The following CUX2 variants were observed in gnomAD, a reference collection of about 807,000 sequenced individuals.
CUX2 encodes the protein cut like homeobox 2.
CUX2 carries 40 observed loss-of-function variants against 144.8 expected under a neutral mutation model. The observed-to-expected ratio is 0.28, with a 90% CI of 0.21 to 0.36. The LOEUF is 0.36. CUX2 is among the 10% of genes least tolerant of loss of function. The pLI, the probability that CUX2 is intolerant of heterozygous loss-of-function variation, is 1.00. For synonymous variants in CUX2, 827 were observed against 875.6 expected (o/e 0.94, Z 0.98); for missense variants, 1,615 against 1,994.0 (o/e 0.81, Z 3.62).
At chr12:111,100,200 TG>T in intron 1 of CUX2, 1 of 377,510 alleles carries the variant, frequency 2.6e-6, no homozygotes. Context: ...TGTGTGTGTG[TG>T]TATGTGTGTG....
rs1373109753 is a variant in CUX2 at position 111,037,398 on chromosome 12, CA to C, written c.63+3163del. 6.6e-6 allele frequency among the ~76,000 whole-genome samples: 1 copy of C among 152,160 alleles called. No homozygotes were observed. The highest frequency in any genetic ancestry group is 1.5e-5 in the Non-Finnish European group (1 of 68,026). On this transcript the variant is annotated intron_variant, in intron 1 of 21. Transcript: ENST00000261726. The surrounding 1 kb of genome is among the most constrained non-coding windows in gnomAD (Gnocchi z 5.4). ...CAGCCCTCCGGAAACGTATATTTTT[CA>C]AAAATGGAAGCGTTCCAGTTATTAT...
At chr12:111,347,492 C>T in intron 21 of CUX2, 32 bp from the exon 22 acceptor site, 1 of 1,547,958 alleles carries the variant, frequency 6.5e-7, no homozygotes, top group Non-Finnish European at 8.7e-7. Context: ...GTCCCCTGTC[C>T]AGCCCCAGGC....
intron 1 of CUX2, among the ~76,000 whole-genome samples, chr12:111,097,284 A>G (rs532612548): frequency 4.4e-4 from 67 of 152,272 alleles, no homozygotes; most frequent in Non-Finnish European, 8.1e-4. Context: ...GGGCTCAGGT[A>G]CTCAGATGCC....
At chr12:111,306,052 C>T (rs1324471493) in intron 10 of CUX2, among the ~76,000 whole-genome samples, 1 of 152,004 alleles carries the variant, frequency 6.6e-6, no homozygotes, top group Non-Finnish European at 1.5e-5. Context: ...GAGAGAGAGG[C>T]TGTGTGGAGA....
chr12:111,155,026 A>T (rs1294196894), intron 1 of CUX2, among the ~76,000 whole-genome samples: 2 of 152,184 alleles, frequency 1.3e-5, no homozygotes, highest in Non-Finnish European at 2.9e-5. Flanking sequence ...CATCTGTATG[A>T]TGGGAATAAG....
At chr12:111,036,273 A>G (rs1869438730) in intron 1 of CUX2, among the ~76,000 whole-genome samples, 1 of 152,138 alleles carries the variant, frequency 6.6e-6, no homozygotes, top group South Asian at 2.1e-4. Flanking sequence ...CACAATTTTC[A>G]TTAGATAACT....
At chr12:111,347,216 G>A (rs1481193889) in intron 21 of CUX2, among the ~76,000 whole-genome samples, 1 of 152,128 alleles carries the variant, frequency 6.6e-6, no homozygotes, top group Non-Finnish European at 1.5e-5. Flanking sequence ...GGCCAGCACA[G>A]GTCTAGATCA....
At chr12:111,108,661 C>A (rs1873754807) in intron 1 of CUX2, among the ~76,000 whole-genome samples, 1 of 151,896 alleles carries the variant, frequency 6.6e-6, no homozygotes, top group Non-Finnish European at 1.5e-5. Context: ...TCTCTTCCCC[C>A]ACCCCATCTC....
Position 111,034,668 on chromosome 12 carries a change from A to C in CUX2, c.63+428A>C, listed in dbSNP as rs934906129. Among the ~76,000 whole-genome samples, 1 of 150,366 alleles carries C rather than the reference A, an allele frequency of 6.7e-6. No homozygotes were observed. The highest frequency in any genetic ancestry group is 2.4e-5 in the African/African-American group (1 of 40,936). ...CGGAGCGCGCCGCTTGCCAGTCCGC[A>C]CCCGGCTGGGGCTCCGGCGAGGGAG... On this transcript the variant is annotated intron_variant, in intron 1 of 21. Coordinates refer to ENST00000261726, the MANE Select transcript of CUX2 (RefSeq NM_015267.4). The surrounding 1 kb of genome is among the most constrained non-coding windows in gnomAD (Gnocchi z 4.2).
At chr12:111,328,955 C>CTCTT (rs1454840715) in intron 18 of CUX2, among the ~76,000 whole-genome samples, 1 of 98,862 alleles carries the variant, frequency 1.0e-5, no homozygotes, top group African/African-American at 6.4e-5. Flanking sequence ...CTCTCTCTCT[C>CTCTT]TCTCTCTCTC....
At chr12:111,329,619 A>G (rs565693131) in intron 18 of CUX2, among the ~76,000 whole-genome samples, 1 of 152,004 alleles carries the variant, frequency 6.6e-6, no homozygotes, top group Non-Finnish European at 1.5e-5. Flanking sequence ...AAAGACCCTC[A>G]GTTTTTTGTG....
intron 18 of CUX2, among the ~76,000 whole-genome samples, chr12:111,323,486 C>T (rs1887632301): frequency 6.6e-6 from 1 of 152,176 alleles, no homozygotes; most frequent in Admixed American, 6.5e-5. Context: ...CAGACTTATG[C>T]ATTAATATTT....
rs186955540 is a variant in CUX2 at position 111,341,563 on chromosome 12, G to C, written c.3386-217G>C. On this transcript the variant is annotated intron_variant, in intron 20 of 21. Coordinates refer to ENST00000261726, the MANE Select transcript of CUX2 (RefSeq NM_015267.4). ...CTCATGCCAGGGCTCCCGGGCGGGC[G>C]AGGTTAGGCTAGCATCTTGTGGCGG... 3.3e-4 allele frequency among the ~76,000 whole-genome samples: 50 copies of C among 152,216 alleles called. 1 individual carries two copies. The East Asian group carries it at 6.4e-3, about 19-fold the overall frequency.
At chr12:111,319,271 A>G (rs1887379821) in intron 16 of CUX2, among the ~76,000 whole-genome samples, 1 of 152,152 alleles carries the variant, frequency 6.6e-6, no homozygotes, top group African/African-American at 2.4e-5. Flanking sequence ...CAACATGGCA[A>G]GACCCCATCT....
At chr12:111,253,884 A>G (rs913793710) in intron 3 of CUX2, among the ~76,000 whole-genome samples, 8 of 140,448 alleles carry the variant, frequency 5.7e-5, no homozygotes, top group Admixed American at 5.1e-4. Flanking sequence ...GGTTTTTGCC[A>G]TTTTTGTTTT....
At chr12:111,175,537 T>G (rs1464959184) in intron 1 of CUX2, among the ~76,000 whole-genome samples, 1 of 152,170 alleles carries the variant, frequency 6.6e-6, no homozygotes, top group East Asian at 1.9e-4. Context: ...GAGTGGCCTC[T>G]CTAAGCTGTG....
intron 3 of CUX2, among the ~76,000 whole-genome samples, chr12:111,235,043 G>A (rs886313837): frequency 2.6e-5 from 4 of 152,026 alleles, no homozygotes; most frequent in African/African-American, 9.7e-5. Flanking sequence ...CTGACCCTCA[G>A]TTTTCTCATC....
chr12:111,268,907 G>A (rs368038935), intron 4 of CUX2, among the ~76,000 whole-genome samples: 1 of 152,286 alleles, frequency 6.6e-6, no homozygotes, highest in Non-Finnish European at 1.5e-5. Context: ...CCCAGGCAGC[G>A]CTCTCCCACG....
intron 2 of CUX2, among the ~76,000 whole-genome samples, chr12:111,216,785 TATCA>T (rs35343338): frequency 0.18 from 26,739 of 152,094 alleles, 2,995 homozygotes; most frequent in East Asian, 0.58. Context: ...TACATCAGTC[TATCA>T]ATCAGTGGCT....
Sources: allele counts gnomAD v4.1 joint callset (sites outside exome capture counted in the v4.1 genomes callset), GRCh38; gene constraint gnomAD v4.1.1; non-coding constraint Gnocchi (gnomAD v3.1); transcripts MANE v1.5; gene names NCBI Gene and HGNC (gene_info 2026-07-23, HGNC 2026-07-21).